The following VPS13B variants were observed in gnomAD, a reference collection of about 807,000 sequenced individuals.
VPS13B encodes the protein vacuolar protein sorting 13 homolog B, also known as intermembrane lipid transfer protein VPS13B.
VPS13B carries 285 observed loss-of-function variants against 426.4 expected under a neutral mutation model. The ratio of observed to expected loss-of-function variants is 0.67; its 90% confidence interval spans 0.61 to 0.74. VPS13B has a LOEUF of 0.74. VPS13B is among the 30% of genes least tolerant of loss of function. The pLI is 0.00. For synonymous variants in VPS13B, 1,676 were observed against 1,676.4 expected, an observed-to-expected ratio of 1.00 and a Z score of 0.01; for missense variants, 4,537 against 4,782.6, an observed-to-expected ratio of 0.95 and a Z score of 1.51.
At chr8:99,505,006 C>T (rs1002783858) in intron 27 of VPS13B, among the ~76,000 whole-genome samples, 2 of 152,198 alleles carry the variant, frequency 1.3e-5, no homozygotes, top group African/African-American at 4.8e-5. Context: ...TCATGTTGCA[C>T]ATTAATGTTA....
chr8:99,354,181 G>A (rs1487115026), intron 19 of VPS13B, among the ~76,000 whole-genome samples: 9 of 144,084 alleles, frequency 6.2e-5, no homozygotes, highest in Non-Finnish European at 1.1e-4. Context: ...AAGTTGGGAA[G>A]TGATTTTTCA....
chr8:99,590,108 TC>T (rs1826540694), intron 33 of VPS13B, among the ~76,000 whole-genome samples: 1 of 152,206 alleles, frequency 6.6e-6, no homozygotes, highest in Non-Finnish European at 1.5e-5. Flanking sequence ...CTTCTAGATC[TC>T]CTAGTTCATT....
intron 17 of VPS13B, among the ~76,000 whole-genome samples, chr8:99,221,469 AG>A (rs935400487): frequency 6.6e-6 from 1 of 152,224 alleles, no homozygotes; most frequent in Non-Finnish European, 1.5e-5. Context: ...AAAAATGAAA[AG>A]GAGAGAAATG....
chr8:99,273,166 T>G (rs1050911615), intron 17 of VPS13B, among the ~76,000 whole-genome samples: 10 of 150,476 alleles, frequency 6.6e-5, no homozygotes, highest in African/African-American at 1.2e-4. Context: ...GTAGTTTTTT[T>G]TTTTTTTTTT....
At chr8:99,577,736 C>A in intron 33 of VPS13B, 103 bp downstream of exon 33, 1 of 1,384,082 alleles carries the variant, frequency 7.2e-7, no homozygotes, top group Non-Finnish European at 1.0e-6. Context: ...CTTAATTATT[C>A]TGTGTTTAAC....
chr8:99,536,966 T>A, intron 30 of VPS13B: 1 of 366,312 alleles, frequency 2.7e-6, no homozygotes, highest in Non-Finnish European at 5.4e-6. Context: ...ATTAATGAGA[T>A]ATACAGAAAA....
chr8:99,451,983 A>C (rs558244839), intron 23 of VPS13B, among the ~76,000 whole-genome samples: 1 of 152,264 alleles, frequency 6.6e-6, no homozygotes, highest in South Asian at 2.1e-4. Context: ...TCCTTTTGTC[A>C]TGCAGAGTAA....
chr8:99,335,442 T>C (rs982903073), intron 19 of VPS13B, among the ~76,000 whole-genome samples: 6 of 152,144 alleles, frequency 3.9e-5, no homozygotes, highest in Non-Finnish European at 7.4e-5. Flanking sequence ...CTTTTAATTG[T>C]GATGTTAGGG....
intron 33 of VPS13B, among the ~76,000 whole-genome samples, chr8:99,581,039 C>T (rs1223443627): frequency 8.0e-6 from 1 of 125,034 alleles, no homozygotes; most frequent in Non-Finnish European, 1.7e-5. Flanking sequence ...ACAAATTAGG[C>T]AGGCATGGTG....
At chr8:99,467,780 A>AAT in intron 24 of VPS13B, 146 bp downstream of exon 24, 1 of 834,358 alleles carries the variant, frequency 1.2e-6, no homozygotes, top group Non-Finnish European at 1.9e-6. Context: ...TTAGATTAAG[A>AAT]ATTGCTTTGA....
At chr8:99,740,784 G>C (rs2130470455) in intron 39 of VPS13B, among the ~76,000 whole-genome samples, 1 of 152,284 alleles carries the variant, frequency 6.6e-6, no homozygotes, top group East Asian at 1.9e-4. Context: ...GAGAGATTTT[G>C]TCACCACCAG....
chr8:99,164,589 A>G (rs1212895626), intron 15 of VPS13B, among the ~76,000 whole-genome samples: 1 of 152,196 alleles, frequency 6.6e-6, no homozygotes, highest in Non-Finnish European at 1.5e-5. Context: ...ATATGGGTTG[A>G]AGACCCACAT....
chr8:99,591,757 C>T (rs202066676), intron 33 of VPS13B, among the ~76,000 whole-genome samples: 14 of 139,480 alleles, frequency 1.0e-4, no homozygotes, highest in Admixed American at 9.3e-4. Context: ...GTGGGTAACC[C>T]GACCTTTCTT....
chr8:99,820,075 G>T lies in VPS13B; in HGVS notation c.8947G>T (p.Val2983Phe). 3 of 1,613,890 alleles carry T rather than the reference G, an allele frequency of 1.9e-6. No homozygotes were observed. The highest frequency in any genetic ancestry group is 2.2e-5 in the South Asian group (2 of 91,074). The change falls in exon 49 of 62, where the codon GTT becomes TTT. Residue 2983 changes from valine to phenylalanine, a missense_variant. Val to Phe is a conservative substitution (Grantham distance 50). Transcript: ENST00000357162. ...CTGGCTATTTGAAGGAGAGAAAATT[G>T]TTCTACAGGTTCCTGCTGGCAAAAT... ...DLWLFEGEKI[V>F]LQVPAGKIII... is the part of the protein sequence containing the mutation.
chr8:99,325,141 A>G (rs1396242392), intron 19 of VPS13B, among the ~76,000 whole-genome samples: 3 of 152,128 alleles, frequency 2.0e-5, no homozygotes, highest in Non-Finnish European at 4.4e-5. Flanking sequence ...AAAAAATACA[A>G]AGTTCCAATA....
chr8:99,507,649 T>C, intron 28 of VPS13B: 1 of 1,489,970 alleles, frequency 6.7e-7, no homozygotes, highest in Non-Finnish European at 9.2e-7. Context: ...ACCTAGCGGT[T>C]GCTCAAACCT....
chr8:99,662,816 A>T (rs916276760), intron 35 of VPS13B, among the ~76,000 whole-genome samples: 3 of 152,130 alleles, frequency 2.0e-5, no homozygotes, highest in African/African-American at 7.2e-5. Context: ...GGAGGCTAAG[A>T]TAGGCAGATC....
At chr8:99,486,371 G>T (rs372383998) in intron 25 of VPS13B, among the ~76,000 whole-genome samples, 17 of 151,972 alleles carry the variant, frequency 1.1e-4, no homozygotes, top group African/African-American at 3.9e-4. Flanking sequence ...GATTACAGGC[G>T]CCTGCCACCA....
chr8:99,481,513 A>G (rs1820036792), intron 24 of VPS13B, 86 bp from the exon 25 acceptor site: 19 of 1,365,582 alleles, frequency 1.4e-5, no homozygotes, highest in Non-Finnish European at 2.0e-5. Flanking sequence ...TCTCTGGAAT[A>G]GTTAATTTTC....
Sources: allele counts gnomAD v4.1 joint callset (sites outside exome capture counted in the v4.1 genomes callset), GRCh38; gene constraint gnomAD v4.1.1; transcripts MANE v1.5; gene names NCBI Gene and HGNC (gene_info 2026-07-23, HGNC 2026-07-21).